ERBB4: variants seen among roughly 807,000 people sequenced by gnomAD.
ERBB4 encodes receptor tyrosine-protein kinase erbB-4.
Under a neutral mutation model 158.0 loss-of-function variants are expected in ERBB4, and 42 were observed. That is an observed-to-expected ratio of 0.27 (90% CI 0.21 to 0.34). The LOEUF (loss-of-function observed/expected upper bound fraction) is 0.34, where lower values mean the gene tolerates loss of function less well. ERBB4 is among the 10% of genes least tolerant of loss of function. The pLI, the probability that ERBB4 is intolerant of heterozygous loss-of-function variation, is 1.00. For synonymous variants in ERBB4, 583 were observed against 558.7 expected (o/e 1.04, Z -0.61); for missense variants, 1,333 against 1,624.1 (o/e 0.82, Z 3.08).
chr2:211,971,105 A>G (rs1488519380), intron 2 of ERBB4, among the ~76,000 whole-genome samples: 1 of 152,166 alleles, frequency 6.6e-6, no homozygotes, highest in Non-Finnish European at 1.5e-5. Context: ...GCTTGTCTGA[A>G]AAGGATCTTA....
chr2:212,373,838 TCC>T (rs1327101732), intron 1 of ERBB4, among the ~76,000 whole-genome samples: 36 of 95,524 alleles, frequency 3.8e-4, no homozygotes, highest in South Asian at 6.7e-4. Context: ...TATATATATA[TCC>T]ATGTATATAT....
At chr2:212,416,108 A>G (rs1054067975) in intron 1 of ERBB4, among the ~76,000 whole-genome samples, 1 of 152,130 alleles carries the variant, frequency 6.6e-6, no homozygotes, top group East Asian at 1.9e-4. Context: ...ATTGACTCGC[A>G]TTTGTATTGC....
chr2:211,987,156 A>G (rs1370094325), intron 2 of ERBB4, among the ~76,000 whole-genome samples: 6 of 151,850 alleles, frequency 4.0e-5, no homozygotes, highest in Non-Finnish European at 7.4e-5. Context: ...CCTGGTCTCT[A>G]CTAAACACAC....
At chr2:211,768,551 C>T (rs1285459566) in intron 4 of ERBB4, among the ~76,000 whole-genome samples, 1 of 152,198 alleles carries the variant, frequency 6.6e-6, no homozygotes, top group Non-Finnish European at 1.5e-5. Context: ...GAAATCTAGG[C>T]AGAGGTTCTC....
intron 1 of ERBB4, among the ~76,000 whole-genome samples, chr2:212,441,196 CTTT>C (rs1574923058): frequency 8.2e-6 from 1 of 122,268 alleles, no homozygotes; most frequent in Non-Finnish European, 2.1e-5. Context: ...TCTGATGAAC[CTTT>C]TTTGTCAAAA....
chr2:212,239,194 T>A (rs1038086133), intron 1 of ERBB4, among the ~76,000 whole-genome samples: 1 of 152,196 alleles, frequency 6.6e-6, no homozygotes, highest in East Asian at 1.9e-4. Context: ...TACAGGTGCA[T>A]GCCATCATGC....
At chr2:211,917,781 T>G (rs1052722859) in intron 3 of ERBB4, among the ~76,000 whole-genome samples, 6 of 152,164 alleles carry the variant, frequency 3.9e-5, no homozygotes, top group African/African-American at 1.4e-4. Context: ...TGACATTTGA[T>G]TGCACTGATG....
At chr2:211,916,734 T>C (rs979492704) in intron 3 of ERBB4, among the ~76,000 whole-genome samples, 3 of 152,172 alleles carry the variant, frequency 2.0e-5, no homozygotes, top group African/African-American at 7.2e-5. Context: ...TGTGTAGCCA[T>C]TTTGCAGAGT....
At chr2:212,513,798 C>A (rs1691665744) in intron 1 of ERBB4, among the ~76,000 whole-genome samples, 1 of 148,836 alleles carries the variant, frequency 6.7e-6, no homozygotes, top group Admixed American at 6.6e-5. Flanking sequence ...GGCGACACGG[C>A]GAGACTCCGT....
At chr2:212,057,638 G>A (rs1015739716) in intron 2 of ERBB4, among the ~76,000 whole-genome samples, 1 of 152,152 alleles carries the variant, frequency 6.6e-6, no homozygotes, top group Non-Finnish European at 1.5e-5. Flanking sequence ...CCTCAAAACT[G>A]CTCAACTACA....
intron 1 of ERBB4, among the ~76,000 whole-genome samples, chr2:212,192,970 C>T (rs62182572): frequency 0.19 from 29,048 of 152,068 alleles, 3,083 homozygotes; most frequent in Non-Finnish European, 0.22. Flanking sequence ...ATAGTTTTTA[C>T]GAAAGCTCCC....
At position 211,868,001 on chromosome 2, in the gene ERBB4, G is replaced by C. The variant is rs183011558; in HGVS notation, c.421+79429C>G. On this transcript the variant is annotated intron_variant, in intron 3 of 27. Coordinates refer to ENST00000342788, the MANE Select transcript of ERBB4 (RefSeq NM_005235.3). ...TGGCATCTGCTCAAGAATGGGATAA[G>C]ATCCATAGTACTTTTTGAAGTTCCA... Among the ~76,000 whole-genome samples the C allele has an allele frequency of 1.6e-4, 24 of 152,286 alleles. No individual in the cohort carries two copies. The East Asian group carries it at 4.6e-3, about 29-fold the overall frequency.
intron 19 of ERBB4, among the ~76,000 whole-genome samples, chr2:211,613,801 C>G (rs575728302): frequency 1.3e-4 from 20 of 152,078 alleles, no homozygotes; most frequent in African/African-American, 4.1e-4. Context: ...GAAAAGGGAA[C>G]CCTCATACAC....
chr2:211,719,740 A>G (rs2074035520), intron 7 of ERBB4, among the ~76,000 whole-genome samples: 1 of 151,980 alleles, frequency 6.6e-6, no homozygotes, highest in South Asian at 2.1e-4. Context: ...CTGTAGTCCC[A>G]GCTACTCGGG....
intron 1 of ERBB4, among the ~76,000 whole-genome samples, chr2:212,525,725 C>A (rs1229204714): frequency 6.6e-6 from 1 of 151,910 alleles, no homozygotes; most frequent in Non-Finnish European, 1.5e-5. Flanking sequence ...AATACTTTTC[C>A]ACAAAAATAA....
intron 1 of ERBB4, among the ~76,000 whole-genome samples, chr2:212,290,308 T>C (rs77996663): frequency 0.013 from 2,040 of 152,256 alleles, 46 homozygotes; most frequent in African/African-American, 0.046. Context: ...TCCAACGACT[T>C]CTACGTGTAC....
intron 4 of ERBB4, among the ~76,000 whole-genome samples, chr2:211,787,576 A>G (rs902914956): frequency 1.3e-5 from 2 of 152,174 alleles, no homozygotes; most frequent in Admixed American, 6.5e-5. Flanking sequence ...TTCAGGGGCA[A>G]ATGAAGGCTT....
intron 5 of ERBB4, among the ~76,000 whole-genome samples, chr2:211,735,553 A>C (rs529802367): frequency 1.3e-5 from 2 of 152,300 alleles, no homozygotes; most frequent in South Asian, 4.1e-4. Context: ...GTCTCTGAAA[A>C]ACAGCTTGGC....
intron 20 of ERBB4, among the ~76,000 whole-genome samples, chr2:211,555,045 A>C (rs889821294): frequency 6.6e-6 from 1 of 152,342 alleles, no homozygotes; most frequent in Middle Eastern, 3.4e-3. Flanking sequence ...TAAAGCATCA[A>C]GAAGGCATAT....
Sources: allele counts gnomAD v4.1 joint callset (sites outside exome capture counted in the v4.1 genomes callset), GRCh38; gene constraint gnomAD v4.1.1; transcripts MANE v1.5; gene names NCBI Gene and HGNC (gene_info 2026-07-23, HGNC 2026-07-21).